SAMD5: variants seen among roughly 807,000 people sequenced by gnomAD.
SAMD5 encodes the protein sterile alpha motif domain-containing protein 5.
SAMD5 carries 13 observed loss-of-function variants against 11.3 expected under a neutral mutation model. That is an observed-to-expected ratio of 1.15 (90% CI 0.75 to 1.83). The LOEUF is 1.83. Among genes scored for constraint, SAMD5 ranks in the 40% most tolerant of loss-of-function variants. The pLI is 0.00. For synonymous variants in SAMD5, 129 were observed against 111.3 expected, an observed-to-expected ratio of 1.16 and a Z score of -1.00; for missense variants, 255 against 239.1, an observed-to-expected ratio of 1.07 and a Z score of -0.44.
the SAMD5 span, among the ~76,000 whole-genome samples, chr6:147,833,290 G>T: frequency 6.6e-6 from 1 of 152,110 alleles, no homozygotes; most frequent in Non-Finnish European, 1.5e-5. Context: ...TTACAGTGTT[G>T]ACAGCAAATC....
the SAMD5 span, among the ~76,000 whole-genome samples, chr6:147,763,902 A>T: frequency 6.6e-6 from 1 of 152,220 alleles, no homozygotes; most frequent in African/African-American, 2.4e-5. Context: ...ATATTAAAAT[A>T]TTGTTTATCT....
the SAMD5 span, among the ~76,000 whole-genome samples, chr6:147,939,858 C>T: frequency 0.1 from 15,360 of 151,408 alleles, 1,061 homozygotes; most frequent in South Asian, 0.29. Context: ...AAATGAAGTT[C>T]TATTATTACC....
the SAMD5 span, among the ~76,000 whole-genome samples, chr6:147,773,994 C>T: frequency 6.6e-6 from 1 of 152,052 alleles, no homozygotes; most frequent in Admixed American, 6.6e-5. Context: ...AGACATGCAC[C>T]AACACACCCA....
At chr6:147,679,127 A>G (rs1479906638) in intron 1 of SAMD5, among the ~76,000 whole-genome samples, 1 of 152,048 alleles carries the variant, frequency 6.6e-6, no homozygotes. Context: ...AAATCTATGA[A>G]TATTTATGTA....
intron 1 of SAMD5, among the ~76,000 whole-genome samples, chr6:147,620,962 CTGTGTGTGTGTGTGTG>C (rs78040354): frequency 7.8e-6 from 1 of 128,452 alleles, no homozygotes; most frequent in Non-Finnish European, 1.7e-5. Context: ...GTATGTGCCT[CTGTGTGTGTGTGTGTG>C]TGTGTGTGTG....
intron 1 of SAMD5, chr6:147,692,459 AG>A (rs1791117371): frequency 1.3e-5 from 2 of 152,298 alleles, no homozygotes; most frequent in South Asian, 4.2e-4. Flanking sequence ...TTAAACAGAA[AG>A]GGGTCTGTCC....
chr6:147,769,981 G>A, the SAMD5 span, among the ~76,000 whole-genome samples: 1 of 152,158 alleles, frequency 6.6e-6, no homozygotes, highest in Non-Finnish European at 1.5e-5. Context: ...TTGTTGATTA[G>A]CATCCTTCCC....
Position 147,569,554 on chromosome 6 carries a change from T to C in SAMD5, c.*5098T>C. The stretch of plus-strand genomic sequence containing the variant: ...ATAATACCCTTAATTAGATGAATTA[T>C]CCCTTATCATTCCAAAAATGAAATG... On this transcript the variant is annotated 3_prime_UTR_variant, in exon 2 of 2. Coordinates refer to ENST00000367474, the MANE Select transcript of SAMD5 (RefSeq NM_001030060.3). The C allele has an allele frequency of 3.2e-6, 3 of 929,756 alleles. No individual in the cohort carries two copies. Among genetic ancestry groups the C allele is most frequent in the Non-Finnish European group, 3.8e-6 (3 of 779,268 alleles). The allele number at this position is 929,756 out of a possible 1,614,324, so 57.6% of individuals were successfully genotyped here. A position where few individuals can be genotyped will look rare whatever the true frequency, so the allele number is the denominator to read the frequency against.
intron 1 of SAMD5, among the ~76,000 whole-genome samples, chr6:147,652,644 C>T (rs1256738727): frequency 1.3e-5 from 2 of 152,190 alleles, no homozygotes; most frequent in Admixed American, 6.5e-5. Flanking sequence ...TATGTATTCA[C>T]TCCTGAATAT....
At chr6:147,857,403 T>A in the SAMD5 span, among the ~76,000 whole-genome samples, 2 of 151,324 alleles carry the variant, frequency 1.3e-5, no homozygotes, top group Non-Finnish European at 2.9e-5. Context: ...GCTATTCCAG[T>A]GGCCGTGGTG....
the SAMD5 span, among the ~76,000 whole-genome samples, chr6:147,868,207 T>C: frequency 6.6e-6 from 1 of 152,194 alleles, no homozygotes; most frequent in African/African-American, 2.4e-5. Context: ...CAAAGCATGC[T>C]TGTGAGTTCT....
chr6:147,803,789 G>C, the SAMD5 span, among the ~76,000 whole-genome samples: 1 of 152,088 alleles, frequency 6.6e-6, no homozygotes, highest in African/African-American at 2.4e-5. Flanking sequence ...CATGTACTAC[G>C]CACACTGCCT....
chr6:147,916,511 G>A, the SAMD5 span, among the ~76,000 whole-genome samples: 1 of 152,020 alleles, frequency 6.6e-6, no homozygotes, highest in Admixed American at 6.6e-5. Flanking sequence ...CAGTGATGAT[G>A]AGTATTTTTT....
chr6:147,513,112 G>A (rs1788114567), intron 1 of SAMD5, among the ~76,000 whole-genome samples: 1 of 152,194 alleles, frequency 6.6e-6, no homozygotes, highest in Non-Finnish European at 1.5e-5. Flanking sequence ...ATTCTGTCTG[G>A]TTAAAGCACT....
At chr6:147,592,567 A>G (rs1583098597) in intron 1 of SAMD5, among the ~76,000 whole-genome samples, 1 of 152,008 alleles carries the variant, frequency 6.6e-6, no homozygotes, top group Admixed American at 6.6e-5. Flanking sequence ...ACAAAGCTCT[A>G]CTCAATTCAG....
At chr6:147,523,004 A>C (rs1213994780) in intron 1 of SAMD5, among the ~76,000 whole-genome samples, 2 of 152,096 alleles carry the variant, frequency 1.3e-5, no homozygotes, top group African/African-American at 4.8e-5. Flanking sequence ...TTCTCAGTAT[A>C]GTTGAGGAAA....
the SAMD5 span, among the ~76,000 whole-genome samples, chr6:147,830,251 C>CTTTT: frequency 0.031 from 2,644 of 84,580 alleles, 2 homozygotes; most frequent in East Asian, 0.045. Context: ...TTCTTTCTTT[C>CTTTT]TTTTTTTTTT....
the SAMD5 span, among the ~76,000 whole-genome samples, chr6:147,744,920 A>AATAAATAAATAG: frequency 1.7e-4 from 25 of 151,054 alleles, no homozygotes; most frequent in African/African-American, 6.1e-4. Context: ...TAAATAAATA[A>AATAAATAAATAG]ATAAGTAAGT....
At chr6:147,938,207 G>T in the SAMD5 span, among the ~76,000 whole-genome samples, 1 of 152,156 alleles carries the variant, frequency 6.6e-6, no homozygotes, top group African/African-American at 2.4e-5. Flanking sequence ...CAGAGCTTCA[G>T]TTTCTCAGTT....
Sources: gnomAD v4.1 joint callset for allele counts (sites outside exome capture counted in the v4.1 genomes callset) on GRCh38, gnomAD v4.1.1 for gene constraint, MANE v1.5 for transcripts, NCBI Gene and HGNC (gene_info 2026-07-23, HGNC 2026-07-21) for gene names.